The following PFKFB1 variants were observed in gnomAD, a reference collection of about 807,000 sequenced individuals.
PFKFB1 encodes the protein 6-phosphofructo-2-kinase/fructose-2,6-biphosphatase 1.
PFKFB1 carries 34 observed loss-of-function variants against 46.4 expected under a neutral mutation model. The observed-to-expected ratio is 0.73, with a 90% CI of 0.56 to 0.98. The LOEUF is 0.98. Ranked by LOEUF, PFKFB1 falls within the 50% of genes least tolerant of loss-of-function variation. The pLI is 0.00. For synonymous variants in PFKFB1, 119 were observed against 133.8 expected, an observed-to-expected ratio of 0.89 and a Z score of 0.76; for missense variants, 393 against 376.3, an observed-to-expected ratio of 1.04 and a Z score of -0.37.
intron 6 of PFKFB1, 97 bp from the exon 7 acceptor site, chrX:54,956,371 C>T (rs1934140591): frequency 8.9e-6 from 9 of 1,012,911 alleles, no homozygotes; most frequent in African/African-American, 3.8e-5. Context: ...CAAGATGCCT[C>T]ATTATAAAGA....
intron 12 of PFKFB1, among the ~76,000 whole-genome samples, chrX:54,934,142 T>C (rs896900251): frequency 8.0e-5 from 9 of 112,014 alleles, no homozygotes; most frequent in Non-Finnish European, 1.7e-4. Context: ...CAGGTGCTCA[T>C]TTGTAAATGG....
chrX:54,970,139 C>T (rs968188651), intron 1 of PFKFB1, among the ~76,000 whole-genome samples: 1 of 110,634 alleles, frequency 9.0e-6, no homozygotes, highest in South Asian at 3.9e-4. Flanking sequence ...GAACTCTTGG[C>T]CTCAAGTGAT....
intron 8 of PFKFB1, among the ~76,000 whole-genome samples, chrX:54,949,556 A>G (rs761979043): frequency 1.1e-4 from 12 of 111,838 alleles, no homozygotes; most frequent in African/African-American, 3.9e-4. Flanking sequence ...AAGAGTACCA[A>G]TGGAGGCACT....
intron 7 of PFKFB1, among the ~76,000 whole-genome samples, chrX:54,952,961 C>T (rs757446147): frequency 2.7e-5 from 3 of 110,944 alleles, no homozygotes; most frequent in Non-Finnish European, 5.7e-5. Context: ...CTTACTGTAT[C>T]CTCAATTCTG....
At chrX:54,980,710 A>AACACAC (rs751759536) in intron 1 of PFKFB1, among the ~76,000 whole-genome samples, 1,515 of 83,360 alleles carry the variant, frequency 0.018, 26 homozygotes, top group African/African-American at 0.037. Context: ...AAAAAAAGCC[A>AACACAC]ACACACACAC....
chrX:54,970,461 T>A (rs1219938774), intron 1 of PFKFB1, among the ~76,000 whole-genome samples: 1 of 97,851 alleles, frequency 1.0e-5, no homozygotes, highest in Admixed American at 1.1e-4. Flanking sequence ...TCATTAGGTA[T>A]ATCTCCTAAT....
intron 10 of PFKFB1, among the ~76,000 whole-genome samples, chrX:54,943,439 T>C (rs953626660): frequency 1.5e-4 from 17 of 112,349 alleles, no homozygotes; most frequent in African/African-American, 5.5e-4. Context: ...GTGTGTTTAC[T>C]CACTAAAAAA....
intron 7 of PFKFB1, among the ~76,000 whole-genome samples, chrX:54,955,175 A>G (rs1934095788): frequency 9.0e-6 from 1 of 111,597 alleles, no homozygotes; most frequent in Admixed American, 9.5e-5. Context: ...TCGAGTATAT[A>G]TTGTGCTACT....
chrX:54,967,607 C>G (rs1432037810), intron 1 of PFKFB1, among the ~76,000 whole-genome samples: 1 of 68,782 alleles, frequency 1.5e-5, no homozygotes, highest in Non-Finnish European at 2.7e-5. Flanking sequence ...CTACAATGAA[C>G]TCAAACAAAT....
upstream of PFKFB1, chrX:54,994,850 C>A: frequency 1.3e-6 from 1 of 754,179 alleles, no homozygotes; most frequent in Non-Finnish European, 1.6e-6. Flanking sequence ...AAACTGACAC[C>A]TTTGGAAGAG....
chrX:54,963,403 CA>C (rs1275643350), intron 1 of PFKFB1, 21 bp from the exon 2 acceptor site: 2 of 1,204,681 alleles, frequency 1.7e-6, no homozygotes, highest in East Asian at 3.0e-5. Context: ...AACAGACCCT[CA>C]AAAGCTTATC....
chrX:54,967,303 T>C (rs1209217903), intron 1 of PFKFB1, among the ~76,000 whole-genome samples: 2 of 112,141 alleles, frequency 1.8e-5, no homozygotes, highest in African/African-American at 6.5e-5. Context: ...ATAAAAATGC[T>C]TGAATGAACA....
intron 1 of PFKFB1, among the ~76,000 whole-genome samples, chrX:54,975,548 C>T (rs946981131): frequency 3.6e-5 from 4 of 110,799 alleles, no homozygotes; most frequent in East Asian, 2.9e-4. Context: ...GCTCAGGTGA[C>T]GGATGCACCA....
At chrX:54,939,683 A>G (rs1933545756) in intron 10 of PFKFB1, among the ~76,000 whole-genome samples, 1 of 111,937 alleles carries the variant, frequency 8.9e-6, no homozygotes, top group African/African-American at 3.3e-5. Context: ...CCCTCCCAAG[A>G]CTAAACCAGA....
chrX:54,949,711 C>A (rs1192433024), intron 8 of PFKFB1, among the ~76,000 whole-genome samples: 3 of 112,391 alleles, frequency 2.7e-5, no homozygotes, highest in South Asian at 3.7e-4. Flanking sequence ...AAACAGCAAC[C>A]CCTTGGTCGT....
intron 6 of PFKFB1, among the ~76,000 whole-genome samples, chrX:54,957,758 T>C (rs1428771768): frequency 9.0e-6 from 1 of 111,219 alleles, no homozygotes; most frequent in Non-Finnish European, 1.9e-5. Context: ...AGAAGAAAAT[T>C]ACCCTTAAGG....
intron 1 of PFKFB1, among the ~76,000 whole-genome samples, chrX:54,992,116 T>A (rs150917258): frequency 0.015 from 1,647 of 111,116 alleles, 39 homozygotes; most frequent in African/African-American, 0.052. Flanking sequence ...AGTGACTGTC[T>A]TGTACACACA....
At chrX:54,992,606 ATATT>A (rs1253643136) in intron 1 of PFKFB1, among the ~76,000 whole-genome samples, 2 of 112,416 alleles carry the variant, frequency 1.8e-5, no homozygotes, top group African/African-American at 6.5e-5. Flanking sequence ...AAGTAAGCAC[ATATT>A]TATTTTTCAC....
At chrX:54,982,657 G>C (rs1234376296) in intron 1 of PFKFB1, among the ~76,000 whole-genome samples, 2 of 111,110 alleles carry the variant, frequency 1.8e-5, no homozygotes, top group Non-Finnish European at 3.8e-5. Flanking sequence ...TTTTATAAAA[G>C]GGACTTGAGC....
Sources: allele counts gnomAD v4.1 joint callset (sites outside exome capture counted in the v4.1 genomes callset), GRCh38; gene constraint gnomAD v4.1.1; transcripts MANE v1.5; gene names NCBI Gene and HGNC (gene_info 2026-07-23, HGNC 2026-07-21).